The following RNF216 variants were observed in gnomAD, a reference collection of about 807,000 sequenced individuals.
RNF216 encodes the protein E3 ubiquitin-protein ligase RNF216.
A neutral mutation model predicts 110.8 loss-of-function variants in RNF216; 72 were observed. That is an observed-to-expected ratio of 0.65 (90% CI 0.54 to 0.79). RNF216 has a LOEUF of 0.79. Ranked by LOEUF, RNF216 falls within the 30% of genes least tolerant of loss-of-function variation. RNF216 has a pLI of 0.00. For synonymous variants in RNF216, 495 were observed against 407.5 expected (o/e 1.21, Z -2.59); for missense variants, 1,342 against 1,141.2 (o/e 1.18, Z -2.54).
rs1462547472 is a variant in RNF216, at chr7:5,621,308, G to T, written c.*1552C>A. 1 of 152,164 alleles carries T rather than the reference G, an allele frequency of 6.6e-6. No individual in the cohort carries two copies. Among genetic ancestry groups the T allele is most frequent in the Non-Finnish European group, 1.5e-5 (1 of 68,130 alleles). 9.4% of individuals were successfully genotyped at this position (152,164 alleles called of 1,614,324 possible). ...TCCTGCCTCAGCCTCCTGAGTACCT[G>T]GGATTATAGGCATGCGCCACCTTGT... On this transcript the variant is annotated 3_prime_UTR_variant, in exon 17 of 17. Transcript: ENST00000389902.
At chr7:5,664,259 T>C (rs1162614570) in intron 13 of RNF216, among the ~76,000 whole-genome samples, 1 of 152,228 alleles carries the variant, frequency 6.6e-6, no homozygotes, top group Non-Finnish European at 1.5e-5. Flanking sequence ...AAGTATTTTA[T>C]GAGAAAATGA....
chr7:5,627,399 C>T (rs1042220353), intron 15 of RNF216, among the ~76,000 whole-genome samples: 1 of 152,142 alleles, frequency 6.6e-6, no homozygotes, highest in Non-Finnish European at 1.5e-5. Flanking sequence ...CTATGAGCAA[C>T]GTTCCAACGG....
At chr7:5,648,142 T>G (rs1788161895) in intron 14 of RNF216, among the ~76,000 whole-genome samples, 1 of 151,904 alleles carries the variant, frequency 6.6e-6, no homozygotes, top group Admixed American at 6.6e-5. Flanking sequence ...GTTTTGCTCT[T>G]CTTGCTCAGG....
Position 5,741,622 on chromosome 7 carries a change from C to T in RNF216, c.395G>A (p.Gly132Asp). The T allele has an allele frequency of 6.2e-7, 1 of 1,614,126 alleles. No individual in the cohort carries two copies. The highest frequency in any genetic ancestry group is 8.5e-7 in the Non-Finnish European group (1 of 1,180,026). Reference protein sequence around the residue: ...GAQDDSEDDYGEFLDLGPPGI... With the variant: ...GAQDDSEDDYDEFLDLGPPGI... Reference sequence around the variant, plus strand: ...AGGAGGCCCAAGATCCAGAAATTCACCGTAGTCATCCTCAGAATCATCCTG... The same window carrying T: ...AGGAGGCCCAAGATCCAGAAATTCATCGTAGTCATCCTCAGAATCATCCTG... Residue 132 changes from glycine (G) to aspartate (D), a missense_variant, in exon 4 of 17, where the codon GGT becomes GAT. Gly to Asp is a moderately conservative substitution (Grantham distance 94). Coordinates refer to ENST00000389902, the MANE Select transcript of RNF216 (RefSeq NM_207111.4).
intron 15 of RNF216, among the ~76,000 whole-genome samples, chr7:5,626,739 C>A (rs566131006): frequency 1.3e-5 from 2 of 152,104 alleles, no homozygotes; most frequent in Non-Finnish European, 2.9e-5. Flanking sequence ...GGGCCTACAC[C>A]TCTTAGCTAA....
chr7:5,758,539 G>A (rs897563631), intron 2 of RNF216, among the ~76,000 whole-genome samples: 2 of 152,184 alleles, frequency 1.3e-5, no homozygotes, highest in African/African-American at 2.4e-5. Flanking sequence ...AGGACTGCAC[G>A]AGACTTTCAG....
At chr7:5,630,257 C>T (rs1054587381) in intron 15 of RNF216, among the ~76,000 whole-genome samples, 2 of 152,088 alleles carry the variant, frequency 1.3e-5, no homozygotes, top group Non-Finnish European at 2.9e-5. Flanking sequence ...GCTGGCGTCA[C>T]GGGAAGAACT....
At chr7:5,649,676 A>G (rs1284395832) in intron 14 of RNF216, 1 of 152,040 alleles carries the variant, frequency 6.6e-6, no homozygotes, top group African/African-American at 2.4e-5. Flanking sequence ...TGGCACCACC[A>G]TCAAAGACTT....
chr7:5,722,716 T>C (rs1409645117), intron 8 of RNF216, among the ~76,000 whole-genome samples: 2 of 151,748 alleles, frequency 1.3e-5, no homozygotes, highest in Non-Finnish European at 2.9e-5. Context: ...ATTCAAACCT[T>C]TTCTTCAGAA....
chr7:5,744,093 G>A (rs1414807156), intron 3 of RNF216, among the ~76,000 whole-genome samples: 1 of 152,154 alleles, frequency 6.6e-6, no homozygotes, highest in East Asian at 1.9e-4. Flanking sequence ...TTCACACAGT[G>A]AAATTAACAA....
chr7:5,627,466 C>G (rs1786782651), intron 15 of RNF216, among the ~76,000 whole-genome samples: 1 of 152,160 alleles, frequency 6.6e-6, no homozygotes, highest in South Asian at 2.1e-4. Context: ...GCATTAAAGA[C>G]TAGACACTCG....
rs975636980 is a variant in RNF216 at position 5,637,958 on chromosome 7, G to T, written c.2382+3196C>A. Among the ~76,000 whole-genome samples, 5 of 152,338 alleles carry T rather than the reference G, an allele frequency of 3.3e-5. No homozygotes were observed. The South Asian group carries it at 1.0e-3, about 32-fold the overall frequency. ...CTTCCCAGGTTCAAGTGATTCTTGT[G>T]CCTCAGGCTCCCGAGCAGCTGGGAG... is the stretch of plus-strand genomic sequence containing the variant. On this transcript the variant is annotated intron_variant, in intron 15 of 16. Coordinates refer to ENST00000389902, the MANE Select transcript of RNF216 (RefSeq NM_207111.4).
chr7:5,685,140 C>G (rs942905169), intron 13 of RNF216, among the ~76,000 whole-genome samples: 4 of 152,198 alleles, frequency 2.6e-5, no homozygotes, highest in African/African-American at 9.7e-5. Context: ...CTCTACCTCA[C>G]TGGAGGCTCA....
intron 2 of RNF216, among the ~76,000 whole-genome samples, chr7:5,756,406 C>T (rs908759834): frequency 1.3e-5 from 2 of 152,084 alleles, no homozygotes; most frequent in Non-Finnish European, 2.9e-5. Context: ...CCATATGGCC[C>T]GCGAGGCTAA....
intron 4 of RNF216, 94 bp from the exon 5 acceptor site, chr7:5,739,446 C>T: frequency 8.0e-7 from 1 of 1,250,892 alleles, no homozygotes; most frequent in African/African-American, 1.5e-5. Flanking sequence ...AATAAAATGA[C>T]TAAAGACTAG....
At chr7:5,752,590 A>G (rs1309884498) in intron 3 of RNF216, among the ~76,000 whole-genome samples, 3 of 152,244 alleles carry the variant, frequency 2.0e-5, no homozygotes, top group Non-Finnish European at 4.4e-5. Flanking sequence ...AAGATACACT[A>G]TAATGTTGTA....
rs1257955651 is a variant in RNF216, at chr7:5,696,982, A to G, written c.2061+14779T>C. ...TCCCACTGTGTCCCTCCATTACGCC[A>G]GCAACAGCTCCAGGGACGGGGGTAG... On this transcript the variant is annotated intron_variant, in intron 13 of 16. Transcript: ENST00000389902. The surrounding 1 kb of genome is among the most constrained non-coding windows in gnomAD (Gnocchi z 5.4). Among the ~76,000 whole-genome samples, 2 of 152,152 alleles carry G rather than the reference A, an allele frequency of 1.3e-5. No homozygotes were observed. The highest frequency in any genetic ancestry group is 2.4e-5 in the African/African-American group (1 of 41,418).
intron 13 of RNF216, among the ~76,000 whole-genome samples, chr7:5,678,568 C>T (rs1275345508): frequency 6.6e-6 from 1 of 152,192 alleles, no homozygotes; most frequent in Non-Finnish European, 1.5e-5. Flanking sequence ...GGTGAGTGAC[C>T]TCACCTCTCC....
intron 7 of RNF216, among the ~76,000 whole-genome samples, chr7:5,726,502 G>A (rs1230490968): frequency 6.6e-6 from 1 of 152,090 alleles, no homozygotes; most frequent in Non-Finnish European, 1.5e-5. Flanking sequence ...CACTGGTGAG[G>A]ATCCCTTTTC....
Sources: allele counts gnomAD v4.1 joint callset (sites outside exome capture counted in the v4.1 genomes callset), GRCh38; gene constraint gnomAD v4.1.1; non-coding constraint Gnocchi (gnomAD v3.1); transcripts MANE v1.5; gene names NCBI Gene and HGNC (gene_info 2026-07-23, HGNC 2026-07-21).